Variants in CTXN2 observed in about 807,000 individuals in gnomAD.
The protein encoded by CTXN2 is cortexin-2.
A neutral mutation model predicts 5.7 loss-of-function variants in CTXN2; 3 were observed. That is an observed-to-expected ratio of 0.53 (90% CI 0.24 to 1.36). The LOEUF (loss-of-function observed/expected upper bound fraction) is 1.36, where lower values mean the gene tolerates loss of function less well. Ranked by LOEUF, CTXN2 falls within the 40% of genes most tolerant of loss-of-function variation. The probability of loss-of-function intolerance (pLI) is 0.17; values close to 1 mark genes in which losing one functional copy is unlikely to be tolerated. For missense variants in CTXN2, 87 were observed against 93.0 expected (o/e 0.94, Z 0.26); for synonymous variants, 38 against 36.4 (o/e 1.04, Z -0.16).
rs2040929481 is a variant in CTXN2, at chr15:48,201,536, C to T, written c.236C>T (p.Ala79Val). The T allele has an allele frequency of 3.2e-6, 5 of 1,550,928 alleles. No homozygotes were observed. The highest frequency in any genetic ancestry group is 1.4e-5 in the African/African-American group (1 of 73,022). ...EEFDKGTFEY[A>V]LA ...TTTGATAAAGGGACATTTGAATATG[C>T]ACTCGCGTGAGAGTTCCAGCTATAT... The change falls in exon 2 of 2, where the codon GCA (alanine) becomes GTA (valine). Residue 79 changes from alanine to valine, a missense_variant. Coordinates refer to ENST00000417307, the MANE Select transcript of CTXN2 (RefSeq NM_001145668.2).
chr15:48,203,374 T>C lies in CTXN2; in HGVS notation c.*1828T>C, dbSNP rs1357966934. 1.8e-5 allele frequency: 3 copies of C among 167,028 alleles called. No homozygotes were observed. Among genetic ancestry groups the C allele is most frequent in the Non-Finnish European group, 4.4e-5 (3 of 68,110 alleles). The allele number at this position is 167,028 out of a possible 1,614,324, so 10.3% of individuals were successfully genotyped here. ...CTCAAGGAGGCTCTCTGTACCCCAG[T>C]TGGTTCAAGAGTGTAGGCCTGGTAC... On this transcript the variant is annotated 3_prime_UTR_variant, in exon 2 of 2. Transcript: ENST00000417307.
chr15:48,201,375 G>A lies in CTXN2; in HGVS notation c.75G>A (p.Leu25=). The A allele has an allele frequency of 2.6e-6, 4 of 1,551,304 alleles. No homozygotes were observed. The highest frequency in any genetic ancestry group is 3.5e-6 in the Non-Finnish European group (4 of 1,146,712). ...AAGTATCAGCTTTCTCATTGACTCT[G>A]GAGCAAAAAACTGGCTTTGCTTTTG... The part of the protein sequence containing the change: ...VNEVSAFSLT[L]EQKTGFAFVG... Residue 25 remains leucine (L), a synonymous_variant, in exon 2 of 2, where the codon CTG becomes CTA. Coordinates refer to ENST00000417307, the MANE Select transcript of CTXN2 (RefSeq NM_001145668.2).
intron 1 of CTXN2, among the ~76,000 whole-genome samples, chr15:48,195,163 T>C (rs890781462): frequency 6.6e-6 from 1 of 152,304 alleles, no homozygotes; most frequent in East Asian, 1.9e-4. Flanking sequence ...TTATTTTCTT[T>C]GTTTTGATTA....
upstream of CTXN2, among the ~76,000 whole-genome samples, chr15:48,190,595 T>C (rs1195020751): frequency 6.6e-6 from 1 of 152,088 alleles, no homozygotes; most frequent in African/African-American, 2.4e-5. Context: ...GCAGTTACAT[T>C]ACGTTTTCAA....
chr15:48,180,900 G>T (rs1197242738), intron 1 of CTXN2, among the ~76,000 whole-genome samples: 4 of 152,162 alleles, frequency 2.6e-5, no homozygotes, highest in African/African-American at 7.2e-5. Context: ...ATTTTCCCAT[G>T]ATTCACATTG....
intron 1 of CTXN2, among the ~76,000 whole-genome samples, chr15:48,179,150 A>G (rs1479399049): frequency 4.6e-5 from 7 of 152,022 alleles, no homozygotes; most frequent in Admixed American, 4.6e-4. Flanking sequence ...AATTTAATCA[A>G]CTCCTAATTC....
At chr15:48,187,601 G>A (rs1189483630), upstream of CTXN2, among the ~76,000 whole-genome samples, 1 of 152,318 alleles carries the variant, frequency 6.6e-6, no homozygotes, top group African/African-American at 2.4e-5. Context: ...AGAGCAAGAA[G>A]TCAACTAGAG....
chr15:48,187,937 T>C (rs901519078), upstream of CTXN2, among the ~76,000 whole-genome samples: 3 of 152,180 alleles, frequency 2.0e-5, no homozygotes, highest in African/African-American at 7.2e-5. Flanking sequence ...AATTTCTTCG[T>C]CATCTTGACA....
In CTXN2 at chr15:48,203,075, G is replaced by A. The variant is rs1039877329; in HGVS notation, c.*1529G>A. On this transcript the variant is annotated 3_prime_UTR_variant, in exon 2 of 2. Coordinates refer to ENST00000417307, the MANE Select transcript of CTXN2 (RefSeq NM_001145668.2). ...TATTTTTAATCTTAATTTTGCAGAAGAGAAACTGAAGCTAAGAGAAATTAA... is the reference window on the plus strand; with the variant it reads ...TATTTTTAATCTTAATTTTGCAGAAAAGAAACTGAAGCTAAGAGAAATTAA... 2.4e-5 allele frequency: 4 copies of A among 167,004 alleles called. No homozygotes were observed. Among genetic ancestry groups the A allele is most frequent in the Non-Finnish European group, 2.9e-5 (2 of 68,098 alleles). The allele number at this position is 167,004 out of a possible 1,614,324, so 10.3% of individuals were successfully genotyped here.
Position 48,203,061 on chromosome 15 carries a change from T to C in CTXN2, c.*1515T>C, listed in dbSNP as rs943797533. On this transcript the variant is annotated 3_prime_UTR_variant, in exon 2 of 2. Transcript: ENST00000417307. ...TACTATTTCCATTTTATTTTTAATC[T>C]TAATTTTGCAGAAGAGAAACTGAAG... The C allele has an allele frequency of 5.4e-5, 9 of 167,066 alleles. No homozygotes were observed. Among genetic ancestry groups the C allele is most frequent in the African/African-American group, 2.2e-4 (9 of 41,448 alleles). The allele number at this position is 167,066 out of a possible 1,614,324, so 10.3% of individuals were successfully genotyped here. A position where few individuals can be genotyped will look rare whatever the true frequency, so the allele number is the denominator to read the frequency against.
At chr15:48,186,632 GGCTCAC>G (rs2040758572) in intron 1 of CTXN2, among the ~76,000 whole-genome samples, 1 of 152,122 alleles carries the variant, frequency 6.6e-6, no homozygotes, top group Non-Finnish European at 1.5e-5. Flanking sequence ...CAGGCGCGTT[GGCTCAC>G]GCCTGTAATC....
chr15:48,188,733 T>C (rs1225788752), upstream of CTXN2, among the ~76,000 whole-genome samples: 3 of 152,194 alleles, frequency 2.0e-5, no homozygotes, highest in Admixed American at 6.5e-5. Flanking sequence ...TCCAGAAGTA[T>C]AGATTATCCA....
In CTXN2 at chr15:48,195,387, C is replaced by T. The variant is rs915704134; in HGVS notation, c.-58+3534C>T. On this transcript the variant is annotated intron_variant, in intron 1 of 1. Transcript: ENST00000417307. ...TTCTTTCCCGTGATGCTCTCTCCCT[C>T]AAAATTATGTCTATTTCAGTCTCAT... is the stretch of plus-strand genomic sequence containing the variant. Among the ~76,000 whole-genome samples, 6 of 152,060 alleles carry T rather than the reference C, an allele frequency of 3.9e-5. No individual in the cohort carries two copies. In the East Asian group the frequency reaches 5.8e-4, roughly 15 times the overall value.
chr15:48,193,564 C>G (rs1381433668), intron 1 of CTXN2, among the ~76,000 whole-genome samples: 1 of 151,606 alleles, frequency 6.6e-6, no homozygotes, highest in Non-Finnish European at 1.5e-5. Context: ...TCCCAATAAA[C>G]AGGATATTAA....
chr15:48,178,518 GA>G, intron 1 of CTXN2: 3 of 364,906 alleles, frequency 8.2e-6, no homozygotes, highest in Non-Finnish European at 1.5e-5. Context: ...GACCAGTCCT[GA>G]AAGCCCCCGG....
At chr15:48,180,836 T>G (rs2040696203) in intron 1 of CTXN2, among the ~76,000 whole-genome samples, 1 of 152,208 alleles carries the variant, frequency 6.6e-6, no homozygotes, top group Non-Finnish European at 1.5e-5. Context: ...TGTTTGTTTG[T>G]TTTTTAGTGC....
At chr15:48,178,607 C>G (rs1231669951) in intron 1 of CTXN2, 1 of 223,898 alleles carries the variant, frequency 4.5e-6, no homozygotes, top group Non-Finnish European at 8.6e-6. Flanking sequence ...CGGGATTAGA[C>G]ATCAAAGCCC....
chr15:48,186,640 C>A (rs1450624250), intron 1 of CTXN2, among the ~76,000 whole-genome samples: 1 of 152,094 alleles, frequency 6.6e-6, no homozygotes, highest in Non-Finnish European at 1.5e-5. Context: ...TTGGCTCACG[C>A]CTGTAATCCC....
chr15:48,199,453 G>A (rs1310079565), intron 1 of CTXN2, among the ~76,000 whole-genome samples: 1 of 152,162 alleles, frequency 6.6e-6, no homozygotes, highest in Non-Finnish European at 1.5e-5. Context: ...AGCCCAGCAA[G>A]TTTATGCTCT....
Sources: gnomAD v4.1 joint callset for allele counts (sites outside exome capture counted in the v4.1 genomes callset) on GRCh38, gnomAD v4.1.1 for gene constraint, MANE v1.5 for transcripts, NCBI Gene and HGNC (gene_info 2026-07-23, HGNC 2026-07-21) for gene names.